The following DAAM1 variants were observed in gnomAD, a reference collection of about 807,000 sequenced individuals.
DAAM1 encodes dishevelled associated activator of morphogenesis 1.
A neutral mutation model predicts 130.0 loss-of-function variants in DAAM1; 52 were observed. That is an observed-to-expected ratio of 0.40 (90% CI 0.32 to 0.50). DAAM1 has a LOEUF of 0.50. Among genes scored for constraint, DAAM1 ranks in the 20% least tolerant of loss-of-function variants. DAAM1 has a pLI of 0.61. For synonymous variants in DAAM1, 452 were observed against 444.5 expected, an observed-to-expected ratio of 1.02 and a Z score of -0.21; for missense variants, 1,134 against 1,303.8, an observed-to-expected ratio of 0.87 and a Z score of 2.01.
In DAAM1 at chr14:59,367,566, GGAA is replaced by G. The variant is rs755955135; in HGVS notation, c.2971_2973del (p.Glu991del). On this transcript the variant is annotated inframe_deletion, in exon 24 of 25. Transcript: ENST00000360909. ...ACGAAAATATGAGAAAGAAAAAGGA[GGAA>G]GAAGAACGTCGAGCTCGCATGGAAG... is the stretch of plus-strand genomic sequence containing the variant. 9 of 1,613,824 alleles carry G rather than the reference GGAA, an allele frequency of 5.6e-6. No homozygotes were observed. Among genetic ancestry groups the G allele is most frequent in the South Asian group, 1.1e-5 (1 of 91,054 alleles).
intron 2 of DAAM1, among the ~76,000 whole-genome samples, chr14:59,279,864 A>T (rs1344814218): frequency 2.0e-5 from 3 of 152,242 alleles, no homozygotes; most frequent in African/African-American, 7.2e-5. Flanking sequence ...TCCAGGATAT[A>T]TAAAGAATTA....
At chr14:59,342,350 G>C (rs1885882717) in intron 16 of DAAM1, among the ~76,000 whole-genome samples, 1 of 152,110 alleles carries the variant, frequency 6.6e-6, no homozygotes, top group African/African-American at 2.4e-5. Context: ...TGTGCTCACT[G>C]GTCAGTTGTT....
At chr14:59,193,658 C>G (rs1887800342) in intron 1 of DAAM1, among the ~76,000 whole-genome samples, 1 of 152,128 alleles carries the variant, frequency 6.6e-6, no homozygotes, top group Non-Finnish European at 1.5e-5. Flanking sequence ...CTGGGGTTAC[C>G]AAATACACCC....
In DAAM1 at chr14:59,287,867, A is replaced by G. The variant is rs368589281; in HGVS notation, c.184-3350A>G. On this transcript the variant is annotated intron_variant, in intron 2 of 24. Coordinates refer to ENST00000360909, the MANE Select transcript of DAAM1 (RefSeq NM_001270520.2). The stretch of plus-strand genomic sequence containing the variant: ...CTGCCCAAAGCAATTTACAGAGTCA[A>G]TGCTATTCCTGTCAAACTGCCAATG... Among the ~76,000 whole-genome samples the G allele has an allele frequency of 2.6e-4, 39 of 152,340 alleles. No homozygotes were observed. The South Asian group carries it at 6.2e-3, about 24-fold the overall frequency.
intron 1 of DAAM1, among the ~76,000 whole-genome samples, chr14:59,247,561 T>G (rs1284899056): frequency 6.6e-6 from 1 of 152,202 alleles, no homozygotes; most frequent in Non-Finnish European, 1.5e-5. Flanking sequence ...TCAGAAATGT[T>G]TTTTAGTTTT....
chr14:59,335,871 G>C (rs901302358), intron 15 of DAAM1, among the ~76,000 whole-genome samples: 1 of 151,972 alleles, frequency 6.6e-6, no homozygotes, highest in Non-Finnish European at 1.5e-5. Context: ...AATTATCAAA[G>C]AATTTTCCTT....
At chr14:59,318,707 T>C (rs926812657) in intron 4 of DAAM1, among the ~76,000 whole-genome samples, 2 of 152,072 alleles carry the variant, frequency 1.3e-5, no homozygotes, top group African/African-American at 4.8e-5. Context: ...ATCTGAAAAA[T>C]CACACATAGA....
intron 3 of DAAM1, among the ~76,000 whole-genome samples, chr14:59,314,853 A>G (rs1884724024): frequency 6.6e-6 from 1 of 152,226 alleles, no homozygotes; most frequent in Non-Finnish European, 1.5e-5. Context: ...TGGAGTCTGA[A>G]TACACTAACT....
At chr14:59,242,076 A>G (rs1881148606) in intron 1 of DAAM1, among the ~76,000 whole-genome samples, 1 of 152,204 alleles carries the variant, frequency 6.6e-6, no homozygotes. Context: ...CTCTTTAAGG[A>G]TAAACAGGTT....
intron 2 of DAAM1, chr14:59,266,129 T>A (rs1411656591): frequency 6.6e-6 from 1 of 151,186 alleles, no homozygotes; most frequent in Non-Finnish European, 1.5e-5. Flanking sequence ...GTTTTAAAAC[T>A]GAAAGTCTCT....
intron 1 of DAAM1, among the ~76,000 whole-genome samples, chr14:59,193,741 G>A (rs901980355): frequency 6.6e-6 from 1 of 152,170 alleles, no homozygotes; most frequent in South Asian, 2.1e-4. Flanking sequence ...GTGACTTTCT[G>A]CAGTAATGGC....
chr14:59,360,071 A>G (rs574766752), intron 21 of DAAM1, among the ~76,000 whole-genome samples: 273 of 152,346 alleles, frequency 1.8e-3, no homozygotes, highest in African/African-American at 6.4e-3. Context: ...GAAAAGTATA[A>G]TGAGCAGGCT....
chr14:59,352,518 C>T lies in DAAM1; in HGVS notation c.2161-8C>T. On this transcript the variant is annotated splice_polypyrimidine_tract_variant and splice_region_variant and intron_variant, in intron 17 of 24. Transcript: ENST00000360909. ...ACCTCAGTTTTAATATTCGTGTGTA[C>T]TTTTCAGCTCTTGAAATTTGTTCCT... 1 of 1,607,066 alleles carries T rather than the reference C, an allele frequency of 6.2e-7. No homozygotes were observed. Among genetic ancestry groups the T allele is most frequent in the Non-Finnish European group, 8.5e-7 (1 of 1,175,622 alleles).
chr14:59,315,745 C>T (rs1040790065), intron 4 of DAAM1, among the ~76,000 whole-genome samples: 1 of 152,052 alleles, frequency 6.6e-6, no homozygotes, highest in African/African-American at 2.4e-5. Context: ...TTACTATATC[C>T]CTCCCATTCT....
chr14:59,292,555 G>C (rs74059719), intron 3 of DAAM1, among the ~76,000 whole-genome samples: 1 of 152,252 alleles, frequency 6.6e-6, no homozygotes, highest in African/African-American at 2.4e-5. Flanking sequence ...TCTTTGTAAC[G>C]CCAGCATCTG....
At chr14:59,192,972 G>A (rs1009600462) in intron 1 of DAAM1, among the ~76,000 whole-genome samples, 2 of 152,250 alleles carry the variant, frequency 1.3e-5, no homozygotes, top group African/African-American at 4.8e-5. Flanking sequence ...AGAATGTCCT[G>A]AACCAGGGAG....
intron 1 of DAAM1, among the ~76,000 whole-genome samples, chr14:59,250,138 C>T (rs1157133324): frequency 1.3e-5 from 2 of 152,132 alleles, no homozygotes; most frequent in South Asian, 2.1e-4. Flanking sequence ...TTCTAACTGG[C>T]CCTGAGACCG....
At chr14:59,287,273 G>A (rs1235379601) in intron 2 of DAAM1, among the ~76,000 whole-genome samples, 1 of 152,120 alleles carries the variant, frequency 6.6e-6, no homozygotes, top group African/African-American at 2.4e-5. Flanking sequence ...AGGCATCAAA[G>A]GAACATACCT....
intron 1 of DAAM1, among the ~76,000 whole-genome samples, chr14:59,233,077 T>C (rs1450255001): frequency 1.3e-5 from 2 of 152,232 alleles, no homozygotes; most frequent in Non-Finnish European, 2.9e-5. Context: ...TTTGGTATTG[T>C]AAATGGTGCT....
Sources: allele counts gnomAD v4.1 joint callset (sites outside exome capture counted in the v4.1 genomes callset), GRCh38; gene constraint gnomAD v4.1.1; transcripts MANE v1.5; gene names NCBI Gene and HGNC (gene_info 2026-07-23, HGNC 2026-07-21).